The following ZC3H7B variants were observed in gnomAD, a reference collection of about 807,000 sequenced individuals.
The protein encoded by ZC3H7B is zinc finger CCCH domain-containing protein 7B.
Under a neutral mutation model 116.0 loss-of-function variants are expected in ZC3H7B, and 35 were observed. That is an observed-to-expected ratio of 0.30 (90% CI 0.23 to 0.40). The LOEUF (loss-of-function observed/expected upper bound fraction) is 0.40. ZC3H7B is among the 10% of genes least tolerant of loss of function. ZC3H7B has a pLI of 1.00. For synonymous variants in ZC3H7B, 502 were observed against 545.6 expected (o/e 0.92, Z 1.11); for missense variants, 1,011 against 1,321.5 (o/e 0.77, Z 3.64).
chr22:41,348,266 A>G (rs1387853293), intron 15 of ZC3H7B, 99 bp downstream of exon 15: 6 of 1,070,746 alleles, frequency 5.6e-6, no homozygotes, highest in Non-Finnish European at 7.1e-6. Context: ...GAAAGGGTGG[A>G]TGTAGGGTGC....
chr22:41,355,112 C>A (rs1187871152), intron 17 of ZC3H7B, among the ~76,000 whole-genome samples: 1 of 152,214 alleles, frequency 6.6e-6, no homozygotes, highest in Non-Finnish European at 1.5e-5. Context: ...AGGATAGTTT[C>A]TAGAACAGGC....
chr22:41,354,720 T>C lies in ZC3H7B; in HGVS notation c.2035-749T>C, dbSNP rs372589125. ...GGCAGGAGACAAGGCAGAGTGAGCA[T>C]TTTTCCTACCTCTGGCCCCCAACCC... On this transcript the variant is annotated intron_variant, in intron 17 of 22. Transcript: ENST00000352645. 1.4e-4 allele frequency among the ~76,000 whole-genome samples: 21 copies of C among 152,168 alleles called. No homozygotes were observed. The East Asian group carries it at 2.5e-3, about 18-fold the overall frequency.
Position 41,351,545 on chromosome 22 carries a change from C to T in ZC3H7B, c.1949-16C>T. 1 of 1,608,910 alleles carries T rather than the reference C, an allele frequency of 6.2e-7. No individual in the cohort carries two copies. Among genetic ancestry groups the T allele is most frequent in the Non-Finnish European group, 8.5e-7 (1 of 1,177,574 alleles). ...GCACCTTGAAAGATGCCTGTGTCTG[C>T]CCCCACCCTCCCCAGGCATGACCCA... is the stretch of plus-strand genomic sequence containing the variant. On this transcript the variant is annotated splice_polypyrimidine_tract_variant and intron_variant, in intron 16 of 22. Coordinates refer to ENST00000352645, the MANE Select transcript of ZC3H7B (RefSeq NM_017590.6). The surrounding 1 kb of genome is among the most constrained non-coding windows in gnomAD (Gnocchi z 5.1).
chr22:41,328,404 C>A (rs2036342955), intron 5 of ZC3H7B, among the ~76,000 whole-genome samples: 1 of 152,226 alleles, frequency 6.6e-6, no homozygotes, highest in African/African-American at 2.4e-5. Context: ...AGCTCCTGCT[C>A]CATGCTGGGC....
chr22:41,307,262 C>T (rs951119620), intron 1 of ZC3H7B, among the ~76,000 whole-genome samples: 2 of 152,144 alleles, frequency 1.3e-5, no homozygotes, highest in Admixed American at 6.6e-5. Context: ...GGCATGAGCC[C>T]GTGCTGGGCC....
intron 2 of ZC3H7B, among the ~76,000 whole-genome samples, chr22:41,322,485 C>T (rs1299440102): frequency 6.6e-6 from 1 of 152,082 alleles, no homozygotes; most frequent in African/African-American, 2.4e-5. Flanking sequence ...CGCATCCAGC[C>T]CGACATTTGT....
chr22:41,330,525 G>A (rs891982312), intron 6 of ZC3H7B, among the ~76,000 whole-genome samples: 5 of 152,236 alleles, frequency 3.3e-5, no homozygotes, highest in South Asian at 4.1e-4. Flanking sequence ...AGGGAAACTC[G>A]TGACTCGAGT....
chr22:41,309,892 G>C (rs1375907198), intron 1 of ZC3H7B, among the ~76,000 whole-genome samples: 2 of 151,954 alleles, frequency 1.3e-5, no homozygotes, highest in Non-Finnish European at 2.9e-5. Flanking sequence ...CCCACGACTG[G>C]GCAGGGAAAC....
At chr22:41,311,122 G>A (rs1045577063) in intron 1 of ZC3H7B, among the ~76,000 whole-genome samples, 1 of 145,646 alleles carries the variant, frequency 6.9e-6, no homozygotes, top group Non-Finnish European at 1.5e-5. Flanking sequence ...ATGTGCATGT[G>A]TGCACATCGG....
chr22:41,320,569 C>T, intron 1 of ZC3H7B, 86 bp from the exon 2 acceptor site: 2 of 1,484,666 alleles, frequency 1.3e-6, no homozygotes, highest in Non-Finnish European at 9.4e-7. Flanking sequence ...AGTGAGAGCA[C>T]CCAATCACAG....
At chr22:41,307,141 T>C (rs2036054471) in intron 1 of ZC3H7B, among the ~76,000 whole-genome samples, 1 of 151,058 alleles carries the variant, frequency 6.6e-6, no homozygotes, top group African/African-American at 2.4e-5. Context: ...ACCTGGCTAA[T>C]TTTTTTTTGT....
Position 41,340,071 on chromosome 22 carries a change from C to T in ZC3H7B, c.1072C>T (p.Arg358Trp), listed in dbSNP as rs570655747. The change falls in exon 10 of 23, where the codon CGG (arginine) becomes TGG (tryptophan). Residue 358 changes from arginine (R) to tryptophan (W), a missense_variant. Arg to Trp is a moderately radical substitution (Grantham distance 101, BLOSUM62 -3). Transcript: ENST00000352645. ...PLDLLPYSETRLDALDSFGST... is the reference protein window; with the variant it reads ...PLDLLPYSETWLDALDSFGST... ...GGACCTGCTGCCGTACTCGGAGACC[C>T]GGCTGGATGCACTCGACAGCTTTGG... 74 of 1,611,990 alleles carry T rather than the reference C, an allele frequency of 4.6e-5. No homozygotes were observed. Among genetic ancestry groups the T allele is most frequent in the Non-Finnish European group, 6.0e-5 (71 of 1,179,906 alleles).
intron 17 of ZC3H7B, 134 bp from the exon 18 acceptor site, chr22:41,355,335 C>A: frequency 7.8e-7 from 1 of 1,288,944 alleles, no homozygotes; most frequent in Non-Finnish European, 1.1e-6. Flanking sequence ...GTTGGGAGGT[C>A]ACTGCCTGCC....
rs573588789 is a variant in ZC3H7B at position 41,357,264 on chromosome 22, C to T, written c.2769C>T (p.Arg923=). Residue 923 remains arginine, a synonymous_variant, in exon 23 of 23, where the codon CGC becomes CGT. Transcript: ENST00000352645. This position sits in a 1 kb window ranked among gnomAD's most constrained non-coding sequence, Gnocchi z 5.4. ...QEELNEWLDR[R]EVLKQKLAKA... The stretch of plus-strand genomic sequence containing the variant: ...AGCTCAACGAGTGGCTGGACCGGCG[C>T]GAGGTGCTGAAGCAGAAGTTGGCCA... 6.8e-6 allele frequency: 11 copies of T among 1,613,732 alleles called. No individual in the cohort carries two copies. Among genetic ancestry groups the T allele is most frequent in the South Asian group, 5.5e-5 (5 of 91,084 alleles).
rs1381763150 is a variant in ZC3H7B at position 41,349,347 on chromosome 22, G to T, written c.1948+46G>T. The T allele has an allele frequency of 6.2e-7, 1 of 1,603,186 alleles. No homozygotes were observed. Among genetic ancestry groups the T allele is most frequent in the Non-Finnish European group, 8.5e-7 (1 of 1,173,740 alleles). ...GTGGAGGGCAGGTGACTCAGGTGAG[G>T]GGTAGGCGGCGCAGGTGAAGGGAGC... is the stretch of plus-strand genomic sequence containing the variant. On this transcript the variant is annotated intron_variant, in intron 16 of 22. Coordinates refer to ENST00000352645, the MANE Select transcript of ZC3H7B (RefSeq NM_017590.6). This position sits in a 1 kb window ranked among gnomAD's most constrained non-coding sequence, Gnocchi z 4.9.
In ZC3H7B at chr22:41,330,120, C is replaced by T. The variant is rs775760619; in HGVS notation, c.525+17C>T. 17 of 1,613,404 alleles carry T rather than the reference C, an allele frequency of 1.1e-5. No homozygotes were observed. The highest frequency in any genetic ancestry group is 1.4e-5 in the Non-Finnish European group (16 of 1,179,790). On this transcript the variant is annotated intron_variant, in intron 6 of 22. Coordinates refer to ENST00000352645, the MANE Select transcript of ZC3H7B (RefSeq NM_017590.6). ...AGGCCCCAGGTAGGTGGGTTCGGGA[C>T]CCTGGGAGGGTCGGTGTGGACGTGA... is the stretch of plus-strand genomic sequence containing the variant.
chr22:41,331,396 A>G (rs1027551801), intron 6 of ZC3H7B, among the ~76,000 whole-genome samples: 10 of 129,944 alleles, frequency 7.7e-5, no homozygotes, highest in Non-Finnish European at 1.5e-4. Context: ...TCTACTAAAA[A>G]TACGAAAAAA....
chr22:41,350,862 G>A (rs934343473), intron 16 of ZC3H7B, among the ~76,000 whole-genome samples: 3 of 152,198 alleles, frequency 2.0e-5, no homozygotes, highest in East Asian at 1.9e-4. Context: ...AGTAAGCACC[G>A]ATGATGATTA....
chr22:41,345,469 C>T (rs893100596), intron 13 of ZC3H7B, among the ~76,000 whole-genome samples: 6 of 152,028 alleles, frequency 3.9e-5, no homozygotes, highest in Non-Finnish European at 7.4e-5. Flanking sequence ...CCTGTAATCC[C>T]AGCTACTCGG....
Sources: allele counts gnomAD v4.1 joint callset (sites outside exome capture counted in the v4.1 genomes callset), GRCh38; gene constraint gnomAD v4.1.1; non-coding constraint Gnocchi (gnomAD v3.1); transcripts MANE v1.5; gene names NCBI Gene and HGNC (gene_info 2026-07-23, HGNC 2026-07-21).